The following SUGCT variants were observed in gnomAD, a reference collection of about 807,000 sequenced individuals.
The protein encoded by SUGCT is succinyl-CoA:glutarate CoA-transferase.
In SUGCT, 41 loss-of-function variants were observed where a neutral mutation model predicts 55.0. The observed-to-expected ratio is 0.74, with a 90% CI of 0.58 to 0.97. SUGCT has a LOEUF of 0.97. SUGCT is among the 50% of genes least tolerant of loss of function. The pLI is 0.00. For missense variants in SUGCT, 568 were observed against 547.8 expected, an observed-to-expected ratio of 1.04 and a Z score of -0.37; for synonymous variants, 187 against 200.4, an observed-to-expected ratio of 0.93 and a Z score of 0.56.
chr7:40,962,647 C>T, the SUGCT span, among the ~76,000 whole-genome samples: 3 of 151,386 alleles, frequency 2.0e-5, no homozygotes, highest in Non-Finnish European at 4.4e-5. Context: ...AGACAGCATA[C>T]TTGCATTACT....
chr7:40,526,564 C>T (rs552595243), intron 12 of SUGCT, among the ~76,000 whole-genome samples: 22 of 152,162 alleles, frequency 1.4e-4, no homozygotes, highest in Middle Eastern at 3.4e-3. Context: ...CTAAACGTTC[C>T]CAGTGACGTT....
the SUGCT span, among the ~76,000 whole-genome samples, chr7:40,969,348 C>T: frequency 6.6e-6 from 1 of 152,082 alleles, no homozygotes; most frequent in Admixed American, 6.6e-5. Context: ...CCAACTGATA[C>T]ATTTTATGTA....
intron 13 of SUGCT, among the ~76,000 whole-genome samples, chr7:40,841,505 T>C (rs893668448): frequency 3.9e-5 from 6 of 152,144 alleles, no homozygotes; most frequent in African/African-American, 1.4e-4. Context: ...CAGTTACTCT[T>C]AAAAATAAGC....
intron 12 of SUGCT, among the ~76,000 whole-genome samples, chr7:40,657,735 C>T (rs970439558): frequency 6.6e-6 from 1 of 152,176 alleles, no homozygotes; most frequent in East Asian, 1.9e-4. Context: ...GGGGTTTCGC[C>T]ATGTTGGCCA....
chr7:40,690,596 G>A (rs762703690), intron 12 of SUGCT, among the ~76,000 whole-genome samples: 12 of 151,678 alleles, frequency 7.9e-5, no homozygotes, highest in Non-Finnish European at 1.6e-4. Context: ...GAGACAAGGT[G>A]AAACTCTGTC....
intron 12 of SUGCT, among the ~76,000 whole-genome samples, chr7:40,700,282 G>A (rs551049433): frequency 6.6e-6 from 1 of 152,234 alleles, no homozygotes; most frequent in East Asian, 1.9e-4. Flanking sequence ...TCCCATCTTA[G>A]GACTGGAGAT....
At chr7:40,907,821 A>G in the SUGCT span, among the ~76,000 whole-genome samples, 1 of 152,214 alleles carries the variant, frequency 6.6e-6, no homozygotes, top group Non-Finnish European at 1.5e-5. Flanking sequence ...AATCTAAGAT[A>G]AGTTTGACAT....
chr7:41,022,327 C>T, the SUGCT span, among the ~76,000 whole-genome samples: 1 of 152,116 alleles, frequency 6.6e-6, no homozygotes, highest in Admixed American at 6.5e-5. Context: ...TTGAAAACAA[C>T]TGTCAGTCTA....
At chr7:40,304,767 A>G (rs1794759866) in intron 8 of SUGCT, among the ~76,000 whole-genome samples, 1 of 144,332 alleles carries the variant, frequency 6.9e-6, no homozygotes. Context: ...ATAATCATCC[A>G]GGTTGCTGTT....
chr7:40,147,687 C>T (rs1290134057), intron 1 of SUGCT, among the ~76,000 whole-genome samples: 1 of 152,172 alleles, frequency 6.6e-6, no homozygotes. Flanking sequence ...GCTGAGAGCT[C>T]GGGTTATTCC....
the SUGCT span, chr7:40,967,067 C>T: frequency 6.6e-6 from 1 of 152,166 alleles, no homozygotes; most frequent in African/African-American, 2.4e-5. Flanking sequence ...CCAAGCTCAT[C>T]CTTCTCTGAG....
At chr7:40,179,822 C>T (rs917962587) in intron 1 of SUGCT, among the ~76,000 whole-genome samples, 2 of 152,208 alleles carry the variant, frequency 1.3e-5, no homozygotes, top group African/African-American at 4.8e-5. Context: ...AGCACTTATC[C>T]TGCCTCTGCT....
At chr7:40,682,475 G>T (rs528330232) in intron 12 of SUGCT, among the ~76,000 whole-genome samples, 1 of 152,280 alleles carries the variant, frequency 6.6e-6, no homozygotes, top group East Asian at 1.9e-4. Context: ...AAGCAGTATT[G>T]TGGGACTGAG....
chr7:40,905,050 T>G, the SUGCT span, among the ~76,000 whole-genome samples: 2 of 152,334 alleles, frequency 1.3e-5, no homozygotes, highest in East Asian at 3.9e-4. Context: ...AGTGAGATGT[T>G]CAATTCTGAA....
chr7:40,436,809 C>G (rs1335386485), intron 9 of SUGCT, among the ~76,000 whole-genome samples: 1 of 152,134 alleles, frequency 6.6e-6, no homozygotes, highest in Non-Finnish European at 1.5e-5. Flanking sequence ...AAAGTAGTAG[C>G]TGCTTTTGGT....
chr7:40,947,499 T>A, the SUGCT span, among the ~76,000 whole-genome samples: 1 of 125,170 alleles, frequency 8.0e-6, no homozygotes, highest in Non-Finnish European at 1.7e-5. Flanking sequence ...ATACTTTCTC[T>A]CTTTTTTTTT....
chr7:41,001,153 A>G, the SUGCT span, among the ~76,000 whole-genome samples: 3 of 152,128 alleles, frequency 2.0e-5, no homozygotes. Flanking sequence ...GATGAGTCTG[A>G]AAACATTACT....
At chr7:40,770,451 C>T (rs1310804306) in intron 13 of SUGCT, among the ~76,000 whole-genome samples, 2 of 152,148 alleles carry the variant, frequency 1.3e-5, no homozygotes, top group South Asian at 2.1e-4. Flanking sequence ...GATGGCATTT[C>T]GAGCTTGGGT....
intron 13 of SUGCT, among the ~76,000 whole-genome samples, chr7:40,832,673 CCTA>C (rs1215948451): frequency 6.9e-6 from 1 of 145,950 alleles, no homozygotes; most frequent in African/African-American, 2.5e-5. Context: ...TTCTTCCACT[CCTA>C]CTTTTTTTTT....
Sources: allele counts gnomAD v4.1 joint callset (sites outside exome capture counted in the v4.1 genomes callset), GRCh38; gene constraint gnomAD v4.1.1; transcripts MANE v1.5; gene names NCBI Gene and HGNC (gene_info 2026-07-23, HGNC 2026-07-21).